Variants in SCN11A observed in about 807,000 individuals in gnomAD.
SCN11A encodes sodium voltage-gated channel alpha subunit 11.
In SCN11A, 122 loss-of-function variants were observed where a neutral mutation model predicts 162.2. The ratio of observed to expected loss-of-function variants is 0.75; its 90% CI spans 0.65 to 0.87. The LOEUF (loss-of-function observed/expected upper bound fraction) is 0.87, where lower values mean the gene tolerates loss of function less well. Ranked by LOEUF, SCN11A falls within the 40% of genes least tolerant of loss-of-function variation. The pLI is 0.00. For missense variants in SCN11A, 2,015 were observed against 2,181.6 expected, an observed-to-expected ratio of 0.92 and a Z score of 1.52; for synonymous variants, 758 against 751.5, an observed-to-expected ratio of 1.01 and a Z score of -0.14.
chr3:38,879,716 AG>A (rs766745780), intron 23 of SCN11A, among the ~76,000 whole-genome samples: 4 of 152,220 alleles, frequency 2.6e-5, no homozygotes, highest in Admixed American at 6.6e-5. Flanking sequence ...ATCATGGGAA[AG>A]GTTGTAGTGG....
intron 1 of SCN11A, among the ~76,000 whole-genome samples, chr3:39,033,610 T>G (rs17038352): frequency 0.029 from 4,396 of 152,262 alleles, 216 homozygotes; most frequent in African/African-American, 0.1. Context: ...GTGTGTAAGA[T>G]TGACTTGAGA....
chr3:39,037,339 G>A (rs2125614515), intron 1 of SCN11A, among the ~76,000 whole-genome samples: 1 of 152,258 alleles, frequency 6.6e-6, no homozygotes, highest in East Asian at 1.9e-4. Flanking sequence ...GGGTAGTGGT[G>A]GGGGTCAGGG....
At chr3:38,928,599 T>C (rs1051840476) in intron 7 of SCN11A, among the ~76,000 whole-genome samples, 3 of 152,026 alleles carry the variant, frequency 2.0e-5, no homozygotes, top group African/African-American at 7.2e-5. Flanking sequence ...AAAAATTAAA[T>C]GACCTAATTA....
At chr3:38,923,419 C>G (rs2066085438) in intron 9 of SCN11A, among the ~76,000 whole-genome samples, 1 of 152,146 alleles carries the variant, frequency 6.6e-6, no homozygotes, top group Non-Finnish European at 1.5e-5. Context: ...GAATCCTTTC[C>G]CTTGGTGGTC....
chr3:38,934,019 A>G (rs60225115), intron 7 of SCN11A, among the ~76,000 whole-genome samples: 2,425 of 152,324 alleles, frequency 0.016, 67 homozygotes, highest in African/African-American at 0.056. Context: ...GACTAACAGC[A>G]GACCTCTCGG....
intron 2 of SCN11A, among the ~76,000 whole-genome samples, chr3:39,019,251 G>A (rs776478095): frequency 1.3e-5 from 2 of 151,910 alleles, no homozygotes; most frequent in Non-Finnish European, 2.9e-5. Flanking sequence ...TCCGATAATG[G>A]ATGGCTGTAC....
intron 26 of SCN11A, 67 bp from the exon 27 acceptor site, chr3:38,867,525 C>T (rs761491607): frequency 8.4e-5 from 106 of 1,264,024 alleles, no homozygotes; most frequent in Non-Finnish European, 1.1e-4. Context: ...ATTCTAACTA[C>T]CTTATCTAGA....
chr3:39,050,987 T>C (rs1041866281), intron 1 of SCN11A, among the ~76,000 whole-genome samples: 1 of 152,160 alleles, frequency 6.6e-6, no homozygotes, highest in African/African-American at 2.4e-5. Context: ...GCTCTTATAA[T>C]TAGTGGTCAG....
Position 39,032,423 on chromosome 3 carries a change from G to C in SCN11A, c.-323C>G, listed in dbSNP as rs1559580374. Among the ~76,000 whole-genome samples the C allele has an allele frequency of 2.0e-5, 3 of 152,056 alleles. No homozygotes were observed. Among genetic ancestry groups the C allele is most frequent in the Admixed American group, 6.6e-5 (1 of 15,254 alleles). Reference sequence around the variant, plus strand: ...AAGATGCCAACTCTAGGGTACGGTGGAAAGACATACTGGATACTTTCACTG... The same window carrying C: ...AAGATGCCAACTCTAGGGTACGGTGCAAAGACATACTGGATACTTTCACTG... On this transcript the variant is annotated 5_prime_UTR_variant, in exon 2 of 30. Transcript: ENST00000302328.
chr3:38,946,441 C>G (rs1389937019), intron 6 of SCN11A, among the ~76,000 whole-genome samples: 1 of 152,196 alleles, frequency 6.6e-6, no homozygotes, highest in Non-Finnish European at 1.5e-5. Flanking sequence ...CACAGGTTGC[C>G]AGTTTACAAC....
intron 22 of SCN11A, among the ~76,000 whole-genome samples, chr3:38,882,978 C>A (rs2065334194): frequency 6.6e-6 from 1 of 152,076 alleles, no homozygotes; most frequent in Non-Finnish European, 1.5e-5. Flanking sequence ...GATCAAGGAC[C>A]AGACTCTAGT....
Position 38,885,421 on chromosome 3 carries a change from C to G in SCN11A, c.2950-19G>C, listed in dbSNP as rs6599266. The G allele has an allele frequency of 0.55, 770,210 of 1,402,202 alleles. 214,910 individuals carry two copies. The highest frequency in any genetic ancestry group is 0.84 in the African/African-American group (59,380 of 70,822). The allele number at this position is 1,402,202 out of a possible 1,614,324, so 86.9% of individuals were successfully genotyped here. On this transcript the variant is annotated intron_variant, in intron 20 of 29. Transcript: ENST00000302328. ...CAGACTTCTGCACATCAGAACAAAA[C>G]GAAGGGGGTGCCTTTTACTAAGACC... is the stretch of plus-strand genomic sequence containing the variant.
At chr3:38,934,215 C>T (rs1454033877) in intron 7 of SCN11A, among the ~76,000 whole-genome samples, 3 of 152,182 alleles carry the variant, frequency 2.0e-5, no homozygotes. Flanking sequence ...AAAAGAGCTC[C>T]TGAAGGAAGC....
In SCN11A at chr3:38,903,922, G is replaced by A; in HGVS notation, c.1785C>T (p.Ala595=). The A allele has an allele frequency of 6.2e-7, 1 of 1,613,872 alleles. No homozygotes were observed. Among genetic ancestry groups the A allele is most frequent in the Non-Finnish European group, 8.5e-7 (1 of 1,179,906 alleles). Residue 595 remains alanine, a synonymous_variant, in exon 16 of 30, where the codon GCC becomes GCT. Coordinates refer to ENST00000302328, the MANE Select transcript of SCN11A (RefSeq NM_001349253.2). ...ICIIINTVFL[A]MEHHKMEASF... ...TGGCCTCCATCTTGTGATGCTCCAT[G>A]GCCAAGAAGACAGTGTTGATGATGA...
At chr3:38,957,909 C>T (rs528658437) in intron 3 of SCN11A, among the ~76,000 whole-genome samples, 5 of 152,272 alleles carry the variant, frequency 3.3e-5, no homozygotes, top group East Asian at 1.9e-4. Context: ...GCCATGTGTA[C>T]GTCTGCACCA....
intron 9 of SCN11A, among the ~76,000 whole-genome samples, chr3:38,922,891 TAC>T (rs1360548861): frequency 6.6e-6 from 1 of 152,036 alleles, no homozygotes; most frequent in African/African-American, 2.4e-5. Flanking sequence ...CATGTCTTTT[TAC>T]AGTTTGCCAA....
At position 38,994,500 on chromosome 3, in the gene SCN11A, A is replaced by G. The variant is rs2030550463; in HGVS notation, c.-279-34077T>C. ...AGGCCACAAGCTGGAAAAGAGAAAG[A>G]GGATCTCTTTGGAGAGAACTGTTGG... On this transcript the variant is annotated intron_variant, in intron 2 of 29. Coordinates refer to ENST00000302328, the MANE Select transcript of SCN11A (RefSeq NM_001349253.2). 1.3e-5 allele frequency among the ~76,000 whole-genome samples: 2 copies of G among 152,242 alleles called. 1 individual carries two copies. Among genetic ancestry groups the G allele is most frequent in the South Asian group, 4.1e-4 (2 of 4,836 alleles).
chr3:38,866,967 G>C (rs1575221951), intron 27 of SCN11A, among the ~76,000 whole-genome samples: 1 of 152,264 alleles, frequency 6.6e-6, no homozygotes, highest in African/African-American at 2.4e-5. Flanking sequence ...AAGTGCATTT[G>C]AAAGGTTATT....
At chr3:38,995,794 A>C (rs1158233392) in intron 2 of SCN11A, among the ~76,000 whole-genome samples, 2 of 108,260 alleles carry the variant, frequency 1.8e-5, no homozygotes, top group Non-Finnish European at 3.6e-5. Flanking sequence ...TTCTCACAAT[A>C]AATTGTCTAT....
Sources: allele counts gnomAD v4.1 joint callset (sites outside exome capture counted in the v4.1 genomes callset), GRCh38; gene constraint gnomAD v4.1.1; transcripts MANE v1.5; gene names NCBI Gene and HGNC (gene_info 2026-07-23, HGNC 2026-07-21).